CAMSAP2: variants seen among roughly 807,000 people sequenced by gnomAD.
CAMSAP2 encodes calmodulin regulated spectrin associated protein family member 2.
Under a neutral mutation model 146.1 loss-of-function variants are expected in CAMSAP2, and 26 were observed. That is an observed-to-expected ratio of 0.18 (90% confidence interval 0.13 to 0.25). The LOEUF is 0.25. Ranked by LOEUF, CAMSAP2 falls within the 10% of genes least tolerant of loss-of-function variation. The pLI, the probability that CAMSAP2 is intolerant of heterozygous loss-of-function variation, is 1.00. For missense variants in CAMSAP2, 1,381 were observed against 1,759.3 expected (o/e 0.78, Z 3.85); for synonymous variants, 499 against 596.6 (o/e 0.84, Z 2.38).
chr1:200,847,768 T>G (rs1486814534), intron 10 of CAMSAP2, 59 bp downstream of exon 10: 3 of 1,381,718 alleles, frequency 2.2e-6, no homozygotes, highest in African/African-American at 1.4e-5. Flanking sequence ...AAATTGCATC[T>G]GTGTCTCTCT....
At chr1:200,850,324 TC>T in intron 11 of CAMSAP2, 90 bp downstream of exon 11, 1 of 1,110,490 alleles carries the variant, frequency 9.0e-7, no homozygotes, top group Non-Finnish European at 1.3e-6. Context: ...CATGCTTGCT[TC>T]TTTCAGTAGC....
At chr1:200,792,193 G>C (rs865820778) in intron 2 of CAMSAP2, among the ~76,000 whole-genome samples, 1 of 152,090 alleles carries the variant, frequency 6.6e-6, no homozygotes, top group Non-Finnish European at 1.5e-5. Flanking sequence ...TTTGTTGAAT[G>C]TTCAATGTGT....
At chr1:200,794,952 G>A (rs1330728132) in intron 2 of CAMSAP2, among the ~76,000 whole-genome samples, 4 of 152,174 alleles carry the variant, frequency 2.6e-5, no homozygotes, top group African/African-American at 9.7e-5. Context: ...TTTACAGCAT[G>A]AAATGCCTTG....
At chr1:200,744,647 C>T (rs999091980) in intron 1 of CAMSAP2, among the ~76,000 whole-genome samples, 9 of 152,066 alleles carry the variant, frequency 5.9e-5, no homozygotes, top group African/African-American at 7.2e-5. Context: ...AGACTGGTGG[C>T]GTTAGGATGC....
In CAMSAP2 at chr1:200,859,718, C is replaced by T. The variant is rs1172840843; in HGVS notation, c.*1659C>T. 1 of 152,056 alleles carries T rather than the reference C, an allele frequency of 6.6e-6. No individual in the cohort carries two copies. Among genetic ancestry groups the T allele is most frequent in the Non-Finnish European group, 1.5e-5 (1 of 67,906 alleles). 9.4% of individuals were successfully genotyped at this position (152,056 alleles called of 1,614,324 possible). A position where few individuals can be genotyped will look rare whatever the true frequency, so the allele number is the denominator to read the frequency against. ...GTAACTCTTATATTTTAAGTGTATA[C>T]ATATTGTGTATATAACATATGGATA... On this transcript the variant is annotated 3_prime_UTR_variant, in exon 17 of 17. Transcript: ENST00000358823.
At chr1:200,777,091 G>GGA (rs1665302657) in intron 2 of CAMSAP2, among the ~76,000 whole-genome samples, 1 of 152,140 alleles carries the variant, frequency 6.6e-6, no homozygotes, top group Non-Finnish European at 1.5e-5. Context: ...TTCTCCTGAG[G>GGA]GAGTAGGTCC....
Position 200,853,918 on chromosome 1 carries a change from CTT to C in CAMSAP2, c.3823+424_3823+425del, listed in dbSNP as rs1272599930. On this transcript the variant is annotated intron_variant, in intron 13 of 16. Coordinates refer to ENST00000358823, the MANE Select transcript of CAMSAP2 (RefSeq NM_203459.4). The surrounding 1 kb of genome is among the most constrained non-coding windows in gnomAD (Gnocchi z 5.1). ...AGATAGAAATGGTTGAAAATCCAAA[CTT>C]ATAATATCTGGAGTTGAGAGAATAT... Among the ~76,000 whole-genome samples the C allele has an allele frequency of 8.5e-5, 13 of 152,190 alleles. No homozygotes were observed. Among genetic ancestry groups the C allele is most frequent in the Non-Finnish European group, 1.8e-4 (12 of 68,034 alleles).
In CAMSAP2 at chr1:200,742,767, C is replaced by T. The variant is rs958091461; in HGVS notation, c.139+2801C>T. 2.0e-5 allele frequency among the ~76,000 whole-genome samples: 3 copies of T among 151,566 alleles called. No homozygotes were observed. In the East Asian group the frequency reaches 5.8e-4, roughly 29 times the overall value. Reference sequence around the variant, plus strand: ...ACTTTTGATGTACTGAAAAAGTAGTCAATTTTATAACCATATGTTGTAAAA... The same window carrying T: ...ACTTTTGATGTACTGAAAAAGTAGTTAATTTTATAACCATATGTTGTAAAA... On this transcript the variant is annotated intron_variant, in intron 1 of 16. Transcript: ENST00000358823.
chr1:200,739,309 C>A lies in CAMSAP2; in HGVS notation c.-519C>A, dbSNP rs1664075878. 6.6e-6 allele frequency among the ~76,000 whole-genome samples: 1 copy of A among 152,136 alleles called. No homozygotes were observed. The highest frequency in any genetic ancestry group is 2.1e-4 in the South Asian group (1 of 4,832). On this transcript the variant is annotated 5_prime_UTR_variant, in exon 1 of 17. Coordinates refer to ENST00000358823, the MANE Select transcript of CAMSAP2 (RefSeq NM_203459.4). The surrounding 1 kb of genome is among the most constrained non-coding windows in gnomAD (Gnocchi z 4.8). ...TCGTCCTGCTCGTCCCTCCGCCCACCCGGGGCCTGAGGGGTCTCCCCGCTC... is the reference window on the plus strand; with the variant it reads ...TCGTCCTGCTCGTCCCTCCGCCCACACGGGGCCTGAGGGGTCTCCCCGCTC...
intron 3 of CAMSAP2, among the ~76,000 whole-genome samples, chr1:200,811,055 G>A (rs576461556): frequency 2.0e-3 from 306 of 152,154 alleles, no homozygotes; most frequent in African/African-American, 6.7e-3. Flanking sequence ...TTCCTAACCC[G>A]AAATTGTTCC....
At chr1:200,812,891 G>A (rs1490335124) in intron 3 of CAMSAP2, among the ~76,000 whole-genome samples, 3 of 152,142 alleles carry the variant, frequency 2.0e-5, no homozygotes, top group African/African-American at 7.2e-5. Context: ...AAACACGCAA[G>A]TATTTTTCCT....
At position 200,857,644 on chromosome 1, in the gene CAMSAP2, A is replaced by C. The variant is rs1345230363; in HGVS notation, c.4132-110A>C. Reference sequence around the variant, plus strand: ...AGGCTTTAAGATTTGTCATTGAAATAATGTTATAAAATGTGACTAAGAAAC... The same window carrying C: ...AGGCTTTAAGATTTGTCATTGAAATCATGTTATAAAATGTGACTAAGAAAC... On this transcript the variant is annotated intron_variant, in intron 16 of 16. Transcript: ENST00000358823. This position sits in a 1 kb window ranked among gnomAD's most constrained non-coding sequence, Gnocchi z 4.7. The C allele has an allele frequency of 2.9e-6, 3 of 1,017,004 alleles. No individual in the cohort carries two copies. Among genetic ancestry groups the C allele is most frequent in the African/African-American group, 1.6e-5 (1 of 61,404 alleles). 63.0% of individuals were successfully genotyped at this position (1,017,004 alleles called of 1,614,324 possible).
chr1:200,742,062 C>T (rs1164795512), intron 1 of CAMSAP2, among the ~76,000 whole-genome samples: 1 of 152,166 alleles, frequency 6.6e-6, no homozygotes, highest in Non-Finnish European at 1.5e-5. Flanking sequence ...TCATTTATTC[C>T]TGCAGCAACC....
chr1:200,740,110 AG>A (rs1173867185), intron 1 of CAMSAP2, 144 bp downstream of exon 1: 1 of 915,072 alleles, frequency 1.1e-6, no homozygotes, highest in Non-Finnish European at 1.6e-6. Context: ...AGGAAGAGAA[AG>A]AAAGGAGAAA....
At chr1:200,800,868 A>G (rs1666016826) in intron 2 of CAMSAP2, among the ~76,000 whole-genome samples, 1 of 152,190 alleles carries the variant, frequency 6.6e-6, no homozygotes, top group Non-Finnish European at 1.5e-5. Context: ...GGTGGTGACA[A>G]AAATCTCTCA....
At position 200,848,279 on chromosome 1, in the gene CAMSAP2, C is replaced by G; in HGVS notation, c.1510C>G (p.Leu504Val). The G allele has an allele frequency of 1.2e-6, 2 of 1,613,258 alleles. No individual in the cohort carries two copies. Among genetic ancestry groups the G allele is most frequent in the Non-Finnish European group, 1.7e-6 (2 of 1,179,694 alleles). The change falls in exon 11 of 17, where the codon CTT (leucine) becomes GTT (valine). Residue 504 changes from leucine to valine, a missense_variant. By Grantham distance (32) the Leu-to-Val change is conservative. Coordinates refer to ENST00000358823, the MANE Select transcript of CAMSAP2 (RefSeq NM_203459.4). ...SHSDLKSCVP[L>V]NTNELNSNEN... ...CAGTGACCTCAAATCTTGTGTGCCC[C>G]TTAACACAAATGAACTAAATTCTAA... is the stretch of plus-strand genomic sequence containing the variant.
chr1:200,789,737 A>T (rs528211092), intron 2 of CAMSAP2, among the ~76,000 whole-genome samples: 1 of 152,320 alleles, frequency 6.6e-6, no homozygotes, highest in East Asian at 1.9e-4. Context: ...GAATCTGTAG[A>T]TCAAGTTGGG....
At chr1:200,756,124 C>T (rs1333151256) in intron 1 of CAMSAP2, among the ~76,000 whole-genome samples, 1 of 152,090 alleles carries the variant, frequency 6.6e-6, no homozygotes, top group Non-Finnish European at 1.5e-5. Context: ...AACTAAAACT[C>T]AGAGAAGTTA....
intron 4 of CAMSAP2, among the ~76,000 whole-genome samples, chr1:200,827,944 A>C (rs1666945651): frequency 6.6e-6 from 1 of 152,180 alleles, no homozygotes; most frequent in African/African-American, 2.4e-5. Flanking sequence ...TAGTAAATTT[A>C]ATAACATTTA....
Sources: gnomAD v4.1 joint callset for allele counts (sites outside exome capture counted in the v4.1 genomes callset) on GRCh38, gnomAD v4.1.1 for gene constraint, Gnocchi (gnomAD v3.1) non-coding constraint, MANE v1.5 for transcripts, NCBI Gene and HGNC (gene_info 2026-07-23, HGNC 2026-07-21) for gene names.